NRXN1: variants seen among roughly 807,000 people sequenced by gnomAD.
The protein encoded by NRXN1 is neurexin 1, also known as neurexin-1.
A neutral mutation model predicts 150.9 loss-of-function variants in NRXN1; 39 were observed. The ratio of observed to expected loss-of-function variants is 0.26; its 90% CI spans 0.20 to 0.34. The LOEUF (loss-of-function observed/expected upper bound fraction) is 0.34, where lower values mean the gene tolerates loss of function less well. Ranked by LOEUF, NRXN1 falls within the 10% of genes least tolerant of loss-of-function variation. The pLI is 1.00. For synonymous variants in NRXN1, 924 were observed against 757.0 expected, an observed-to-expected ratio of 1.22 and a Z score of -3.62; for missense variants, 1,815 against 1,949.9, an observed-to-expected ratio of 0.93 and a Z score of 1.30.
At chr2:50,074,578 T>C (rs1696777361) in intron 19 of NRXN1, among the ~76,000 whole-genome samples, 1 of 152,130 alleles carries the variant, frequency 6.6e-6, no homozygotes, top group South Asian at 2.1e-4. Flanking sequence ...TTTTTATAGA[T>C]TACATAGAAT....
Position 50,329,647 on chromosome 2 carries a change from ATATATATATATATATATATATATATAT to A in NRXN1, c.3365-92704_3365-92678del, listed in dbSNP as rs1322425873. Among the ~76,000 whole-genome samples, 15 of 8,660 alleles carry A rather than the reference ATATATATATATATATATATATATATAT, an allele frequency of 1.7e-3. No individual in the cohort carries two copies. In the East Asian group the frequency reaches 0.13, roughly 74 times the overall value. The allele number at this position is 8,660 out of a possible 152,430, so 5.7% of individuals were successfully genotyped here. The stretch of plus-strand genomic sequence containing the variant: ...TATATATATATATATATATATATAT[ATATATATATATATATATATATATATAT>A]TTTTTTTTTTCCCCCCCGAGACGGA... On this transcript the variant is annotated intron_variant, in intron 17 of 22. Transcript: ENST00000401669.
At chr2:50,293,948 AT>A (rs1443935597) in intron 17 of NRXN1, among the ~76,000 whole-genome samples, 2 of 152,160 alleles carry the variant, frequency 1.3e-5, no homozygotes, top group Admixed American at 6.6e-5. Context: ...ACCTGAATAA[AT>A]CTGTATTCAC....
chr2:49,964,953 A>G (rs1676687818), intron 21 of NRXN1, among the ~76,000 whole-genome samples: 1 of 152,058 alleles, frequency 6.6e-6, no homozygotes, highest in Admixed American at 6.5e-5. Flanking sequence ...GTGGTGCAAT[A>G]TCAGATCACT....
rs143229325 is a variant in NRXN1 at position 50,398,483 on chromosome 2, G to GA, written c.3364+66958dup. Among the ~76,000 whole-genome samples the GA allele has an allele frequency of 4.7e-3, 713 of 151,760 alleles. 3 individuals are homozygous for GA. The highest frequency in any genetic ancestry group is 0.016 in the African/African-American group (681 of 41,412). ...GAACAAGGTTATTATGTTAGGCAGA[G>GA]AAAAAAAACAGTATTGTGGAAAACA... On this transcript the variant is annotated intron_variant, in intron 17 of 22. Transcript: ENST00000401669.
At chr2:50,331,657 T>A (rs78052594) in intron 17 of NRXN1, among the ~76,000 whole-genome samples, 1 of 152,308 alleles carries the variant, frequency 6.6e-6, no homozygotes, top group East Asian at 1.9e-4. Flanking sequence ...CAGCAATTGA[T>A]CACTAATGTG....
At chr2:50,176,926 C>T (rs554842475) in intron 18 of NRXN1, among the ~76,000 whole-genome samples, 3 of 151,952 alleles carry the variant, frequency 2.0e-5, no homozygotes, top group African/African-American at 2.4e-5. Flanking sequence ...CATAAGAACA[C>T]CACACATAAA....
chr2:50,309,865 C>T (rs78633044), intron 17 of NRXN1, among the ~76,000 whole-genome samples: 113 of 152,270 alleles, frequency 7.4e-4, no homozygotes, highest in Middle Eastern at 3.4e-3. Flanking sequence ...AAAATGTTCA[C>T]AATCTTTCTT....
At chr2:50,885,570 C>T (rs1347773547) in intron 5 of NRXN1, among the ~76,000 whole-genome samples, 1 of 151,180 alleles carries the variant, frequency 6.6e-6, no homozygotes, top group Non-Finnish European at 1.5e-5. Context: ...TCAAAGCACA[C>T]AAAACTCTGA....
chr2:49,985,548 C>T (rs1372260731), intron 21 of NRXN1, among the ~76,000 whole-genome samples: 1 of 152,180 alleles, frequency 6.6e-6, no homozygotes, highest in Non-Finnish European at 1.5e-5. Flanking sequence ...TGCATAAACT[C>T]TAGTCAGATC....
intron 2 of NRXN1, among the ~76,000 whole-genome samples, chr2:50,946,356 T>C (rs1179676131): frequency 6.6e-6 from 1 of 152,152 alleles, no homozygotes; most frequent in East Asian, 1.9e-4. Flanking sequence ...TATTATAAAC[T>C]TAAGATGCTA....
At chr2:50,791,170 A>C (rs1214455235) in intron 5 of NRXN1, among the ~76,000 whole-genome samples, 1 of 151,654 alleles carries the variant, frequency 6.6e-6, no homozygotes, top group Non-Finnish European at 1.5e-5. Flanking sequence ...AACACATGTA[A>C]CTAAGAGTGA....
At position 50,405,951 on chromosome 2, in the gene NRXN1, T is replaced by C. The variant is rs77703993; in HGVS notation, c.3364+59491A>G. Among the ~76,000 whole-genome samples the C allele has an allele frequency of 5.1e-3, 781 of 152,290 alleles. 5 individuals are homozygous for C. Among genetic ancestry groups the C allele is most frequent in the African/African-American group, 0.018 (742 of 41,566 alleles). On this transcript the variant is annotated intron_variant, in intron 17 of 22. Coordinates refer to ENST00000401669, the MANE Select transcript of NRXN1 (RefSeq NM_001330078.2). ...TCTGCAACGCTAGATAATATTATTA[T>C]CATTGTTTTATAGATGAGGAAATTC...
intron 17 of NRXN1, among the ~76,000 whole-genome samples, chr2:50,298,699 C>G (rs1011839609): frequency 6.6e-6 from 1 of 152,114 alleles, no homozygotes; most frequent in African/African-American, 2.4e-5. Context: ...GAAATTTCTG[C>G]TAAGTACACA....
At chr2:51,016,554 A>G (rs1212047551) in intron 2 of NRXN1, among the ~76,000 whole-genome samples, 1 of 152,234 alleles carries the variant, frequency 6.6e-6, no homozygotes, top group Non-Finnish European at 1.5e-5. Context: ...CCACAATGAG[A>G]TACCATGTCA....
chr2:49,969,343 C>T (rs2152493353), intron 21 of NRXN1, among the ~76,000 whole-genome samples: 1 of 152,092 alleles, frequency 6.6e-6, no homozygotes, highest in East Asian at 1.9e-4. Context: ...CCAAAAAGCA[C>T]ATCTAATCAT....
chr2:50,118,374 T>G (rs1007680085), intron 18 of NRXN1, among the ~76,000 whole-genome samples: 1 of 152,086 alleles, frequency 6.6e-6, no homozygotes, highest in African/African-American at 2.4e-5. Context: ...GTGGATAGGG[T>G]CAGTCTTTTA....
intron 18 of NRXN1, among the ~76,000 whole-genome samples, chr2:50,185,014 T>C (rs1339012335): frequency 6.6e-6 from 1 of 152,054 alleles, no homozygotes; most frequent in African/African-American, 2.4e-5. Flanking sequence ...CACCTTTTAT[T>C]TATCTCAAAC....
intron 5 of NRXN1, among the ~76,000 whole-genome samples, chr2:50,630,895 C>A (rs1275841534): frequency 6.6e-6 from 1 of 151,678 alleles, no homozygotes; most frequent in African/African-American, 2.4e-5. Context: ...CATTAGAAGT[C>A]TGCATTATTA....
At chr2:51,026,325 TCTC>T (rs1281156985) in intron 2 of NRXN1, 1 of 1,233,730 alleles carries the variant, frequency 8.1e-7, no homozygotes, top group Non-Finnish European at 1.2e-6. Context: ...AATCCTGACA[TCTC>T]CTACTTAGCC....
Sources: allele counts gnomAD v4.1 joint callset (sites outside exome capture counted in the v4.1 genomes callset), GRCh38; gene constraint gnomAD v4.1.1; transcripts MANE v1.5; gene names NCBI Gene and HGNC (gene_info 2026-07-23, HGNC 2026-07-21).